Variants in SLIT3 observed in about 807,000 individuals in gnomAD.
SLIT3 encodes the protein slit guidance ligand 3.
In SLIT3, 68 loss-of-function variants were observed where a neutral mutation model predicts 184.0. That is an observed-to-expected ratio of 0.37 (90% CI 0.30 to 0.45). The LOEUF is 0.45. Ranked by LOEUF, SLIT3 falls within the 20% of genes least tolerant of loss-of-function variation. The pLI is 1.00. For synonymous variants in SLIT3, 831 were observed against 828.6 expected, an observed-to-expected ratio of 1.00 and a Z score of -0.05; for missense variants, 1,707 against 2,026.0, an observed-to-expected ratio of 0.84 and a Z score of 3.02.
At chr5:168,734,810 C>A (rs970032735) in intron 20 of SLIT3, among the ~76,000 whole-genome samples, 11 of 152,164 alleles carry the variant, frequency 7.2e-5, no homozygotes, top group African/African-American at 2.4e-4. Context: ...TGCCTGGCAA[C>A]AGCAGATGCT....
intron 6 of SLIT3, among the ~76,000 whole-genome samples, chr5:168,826,450 G>T (rs558975314): frequency 6.6e-6 from 1 of 152,268 alleles, no homozygotes; most frequent in African/African-American, 2.4e-5. Context: ...TTTGCTTCTT[G>T]TGCCGCTGCC....
At chr5:169,256,508 C>T (rs1042524239) in intron 1 of SLIT3, among the ~76,000 whole-genome samples, 4 of 152,180 alleles carry the variant, frequency 2.6e-5, no homozygotes, top group Admixed American at 1.3e-4. Context: ...ACGAAATTGC[C>T]AAGGACACAT....
At chr5:169,161,219 G>C (rs1352539321) in intron 4 of SLIT3, among the ~76,000 whole-genome samples, 1 of 152,160 alleles carries the variant, frequency 6.6e-6, no homozygotes, top group Non-Finnish European at 1.5e-5. Context: ...CCCCTGGCAG[G>C]GTCCCAGGGG....
intron 4 of SLIT3, among the ~76,000 whole-genome samples, chr5:169,143,400 A>G (rs76941685): frequency 1.2e-3 from 187 of 152,374 alleles, no homozygotes; most frequent in African/African-American, 4.4e-3. Context: ...ATGTGGCTAA[A>G]GGTTAGTACA....
At chr5:169,235,663 G>T (rs1236597881) in intron 3 of SLIT3, among the ~76,000 whole-genome samples, 1 of 152,058 alleles carries the variant, frequency 6.6e-6, no homozygotes, top group African/African-American at 2.4e-5. Flanking sequence ...GCTCCATTTG[G>T]CTGTGACAGT....
chr5:169,181,810 C>A (rs1331878546), intron 4 of SLIT3, among the ~76,000 whole-genome samples: 1 of 151,920 alleles, frequency 6.6e-6, no homozygotes, highest in Non-Finnish European at 1.5e-5. Context: ...TTTCACAAAT[C>A]CCAAATTGAA....
intron 35 of SLIT3, among the ~76,000 whole-genome samples, chr5:168,668,236 G>C (rs1761118044): frequency 6.6e-6 from 1 of 152,150 alleles, no homozygotes; most frequent in Non-Finnish European, 1.5e-5. Context: ...AAGGGCAAGA[G>C]GGTTGGATGG....
intron 4 of SLIT3, among the ~76,000 whole-genome samples, chr5:169,126,943 G>C (rs188716812): frequency 7.7e-5 from 7 of 91,394 alleles, no homozygotes; most frequent in African/African-American, 1.8e-4. Context: ...AGGACTTCAC[G>C]ATCCACATAA....
intron 5 of SLIT3, among the ~76,000 whole-genome samples, chr5:168,846,112 T>G (rs955410835): frequency 5.3e-5 from 8 of 152,200 alleles, no homozygotes; most frequent in African/African-American, 1.9e-4. Context: ...TGCACACAAA[T>G]AAAACGCAAT....
At chr5:168,844,466 A>T (rs1758380070) in intron 6 of SLIT3, 118 bp downstream of exon 6, 1 of 880,856 alleles carries the variant, frequency 1.1e-6, no homozygotes, top group African/African-American at 1.7e-5. Context: ...AGAGACCAGA[A>T]ATGCATTCAC....
chr5:168,736,132 GATCTT>G lies in SLIT3; in HGVS notation c.2271-11653_2271-11649del, dbSNP rs538213195. Among the ~76,000 whole-genome samples the G allele has an allele frequency of 3.7e-3, 568 of 152,270 alleles. 2 individuals carry two copies. The highest frequency in any genetic ancestry group is 6.3e-3 in the Non-Finnish European group (430 of 68,032). Reference sequence around the variant, plus strand: ...CCTACTCTCAGTTTCTGAGAAAAGGGATCTTATCTGTCATGGTAGCCACTGTACCT... The same window carrying G: ...CCTACTCTCAGTTTCTGAGAAAAGGGATCTGTCATGGTAGCCACTGTACCT... On this transcript the variant is annotated intron_variant, in intron 20 of 35. Coordinates refer to ENST00000519560, the MANE Select transcript of SLIT3 (RefSeq NM_003062.4).
intron 1 of SLIT3, among the ~76,000 whole-genome samples, chr5:169,267,213 C>A (rs1226448000): frequency 6.6e-6 from 1 of 152,018 alleles, no homozygotes; most frequent in Admixed American, 6.5e-5. Context: ...TGAGAAGTAC[C>A]AAATGAACAA....
chr5:169,153,630 C>T (rs1373953603), intron 4 of SLIT3, among the ~76,000 whole-genome samples: 2 of 152,248 alleles, frequency 1.3e-5, no homozygotes, highest in Non-Finnish European at 2.9e-5. Flanking sequence ...GCACAGGCTG[C>T]TAGTAGTCTG....
chr5:169,060,600 G>A (rs913594565), intron 4 of SLIT3, among the ~76,000 whole-genome samples: 3 of 152,202 alleles, frequency 2.0e-5, no homozygotes, highest in Admixed American at 6.5e-5. Flanking sequence ...ACTGGGGTGT[G>A]AGCGTCATTA....
At chr5:168,972,614 C>T (rs764212130) in intron 4 of SLIT3, among the ~76,000 whole-genome samples, 41 of 151,808 alleles carry the variant, frequency 2.7e-4, no homozygotes, top group Non-Finnish European at 3.5e-4. Flanking sequence ...GAGGTAGGGC[C>T]GAGGCAGGGA....
chr5:169,013,699 C>T (rs1326201683), intron 4 of SLIT3, among the ~76,000 whole-genome samples: 3 of 152,162 alleles, frequency 2.0e-5, no homozygotes, highest in Non-Finnish European at 4.4e-5. Flanking sequence ...AGCCGGGGCC[C>T]CATGCAGCTC....
chr5:168,741,060 G>T (rs767558628), intron 20 of SLIT3, among the ~76,000 whole-genome samples: 1 of 152,166 alleles, frequency 6.6e-6, no homozygotes, highest in African/African-American at 2.4e-5. Context: ...TCAAACTCAC[G>T]GTGGACATGA....
At chr5:169,135,993 A>T (rs1761488430) in intron 4 of SLIT3, among the ~76,000 whole-genome samples, 1 of 152,216 alleles carries the variant, frequency 6.6e-6, no homozygotes, top group South Asian at 2.1e-4. Flanking sequence ...ACGGATACAC[A>T]AACTCCTTTC....
chr5:169,243,374 A>G (rs915022614), intron 3 of SLIT3, among the ~76,000 whole-genome samples: 5 of 152,244 alleles, frequency 3.3e-5, no homozygotes, highest in Non-Finnish European at 7.3e-5. Flanking sequence ...CTAAATAAGA[A>G]GAACTTGAGT....
Sources: allele counts gnomAD v4.1 joint callset (sites outside exome capture counted in the v4.1 genomes callset), GRCh38; gene constraint gnomAD v4.1.1; transcripts MANE v1.5; gene names NCBI Gene and HGNC (gene_info 2026-07-23, HGNC 2026-07-21).